Variants in EPHA6 observed in about 807,000 individuals in gnomAD.
EPHA6 encodes the protein EPH receptor A6.
In EPHA6, 50 loss-of-function variants were observed where a neutral mutation model predicts 112.0. The ratio of observed to expected loss-of-function variants is 0.45; its 90% CI spans 0.36 to 0.56. The LOEUF (loss-of-function observed/expected upper bound fraction) is 0.56. Ranked by LOEUF, EPHA6 falls within the 20% of genes least tolerant of loss-of-function variation. The pLI, the probability that EPHA6 is intolerant of heterozygous loss-of-function variation, is 0.00. For missense variants in EPHA6, 1,280 were observed against 1,417.4 expected (o/e 0.90, Z 1.56); for synonymous variants, 529 against 490.7 (o/e 1.08, Z -1.03).
chr3:97,270,110 A>C (rs1393547869), intron 5 of EPHA6, among the ~76,000 whole-genome samples: 1 of 152,196 alleles, frequency 6.6e-6, no homozygotes, highest in Non-Finnish European at 1.5e-5. Flanking sequence ...TAGGAGTATA[A>C]TTTTCAGAAA....
chr3:97,180,047 A>T (rs2076946067), intron 3 of EPHA6, among the ~76,000 whole-genome samples: 2 of 152,008 alleles, frequency 1.3e-5, no homozygotes. Context: ...AAGAGCCAAA[A>T]ACCTAAGAAG....
At chr3:97,512,343 A>G (rs549070291) in intron 10 of EPHA6, among the ~76,000 whole-genome samples, 1 of 152,352 alleles carries the variant, frequency 6.6e-6, no homozygotes, top group East Asian at 1.9e-4. Flanking sequence ...CAGTATATTA[A>G]AACTATGCAA....
chr3:97,310,858 T>C (rs2081525987), intron 5 of EPHA6, among the ~76,000 whole-genome samples: 1 of 151,728 alleles, frequency 6.6e-6, no homozygotes, highest in Non-Finnish European at 1.5e-5. Flanking sequence ...CCAAACTCTT[T>C]GAGATTCATT....
chr3:97,733,258 C>A (rs954977175), intron 15 of EPHA6, among the ~76,000 whole-genome samples: 2 of 152,042 alleles, frequency 1.3e-5, no homozygotes, highest in African/African-American at 2.4e-5. Flanking sequence ...ACAAGTCTTA[C>A]AAGAAGCTGG....
intron 8 of EPHA6, among the ~76,000 whole-genome samples, chr3:97,477,882 A>G (rs2091422613): frequency 6.6e-6 from 1 of 152,110 alleles, no homozygotes; most frequent in Admixed American, 6.6e-5. Context: ...CTTAACTACA[A>G]AGACACAAAT....
At chr3:97,252,925 CCTCT>C (rs2079185382) in intron 5 of EPHA6, among the ~76,000 whole-genome samples, 1 of 152,062 alleles carries the variant, frequency 6.6e-6, no homozygotes, top group South Asian at 2.1e-4. Flanking sequence ...TTCAAATTTA[CCTCT>C]CTGTGTTACT....
intron 3 of EPHA6, among the ~76,000 whole-genome samples, chr3:97,055,387 A>G (rs2045820069): frequency 6.6e-6 from 1 of 152,142 alleles, no homozygotes; most frequent in South Asian, 2.1e-4. Flanking sequence ...CATAGGGGGA[A>G]CTTGGGAAAT....
intron 9 of EPHA6, chr3:97,481,134 G>A: frequency 4.6e-6 from 3 of 658,368 alleles, no homozygotes; most frequent in Non-Finnish European, 8.4e-6. Context: ...TGGCTGGGAG[G>A]TGGAGGTTGT....
chr3:97,693,739 C>T (rs560093769), intron 14 of EPHA6, among the ~76,000 whole-genome samples: 3 of 152,042 alleles, frequency 2.0e-5, no homozygotes, highest in African/African-American at 7.2e-5. Flanking sequence ...ACCCGGGAGG[C>T]GGAGCTTGCA....
At chr3:97,058,545 A>G (rs751918021) in intron 3 of EPHA6, among the ~76,000 whole-genome samples, 3 of 152,050 alleles carry the variant, frequency 2.0e-5, no homozygotes, top group Non-Finnish European at 4.4e-5. Context: ...CAGGTGATCC[A>G]CCCACCTTGG....
chr3:97,665,301 C>T (rs1234862280), intron 14 of EPHA6, among the ~76,000 whole-genome samples: 4 of 152,094 alleles, frequency 2.6e-5, no homozygotes, highest in Non-Finnish European at 4.4e-5. Context: ...TTCCTTGCAC[C>T]TTATACAAAA....
chr3:97,387,097 G>A (rs2086113304), intron 5 of EPHA6, among the ~76,000 whole-genome samples: 1 of 152,190 alleles, frequency 6.6e-6, no homozygotes, highest in East Asian at 1.9e-4. Flanking sequence ...TAGGCCTCCA[G>A]GCCTGTAATG....
intron 2 of EPHA6, among the ~76,000 whole-genome samples, chr3:96,900,911 A>T (rs1025581798): frequency 1.3e-5 from 2 of 152,246 alleles, no homozygotes; most frequent in South Asian, 4.1e-4. Flanking sequence ...AAACATGGGA[A>T]CAACTGGAAT....
intron 2 of EPHA6, among the ~76,000 whole-genome samples, chr3:96,886,295 G>A (rs2037617323): frequency 1.3e-5 from 2 of 152,206 alleles, no homozygotes; most frequent in East Asian, 1.9e-4. Flanking sequence ...CACTATTATT[G>A]TGTTGCTATC....
At chr3:96,914,926 T>C (rs2039410318) in intron 2 of EPHA6, among the ~76,000 whole-genome samples, 2 of 151,724 alleles carry the variant, frequency 1.3e-5, no homozygotes, top group Admixed American at 6.6e-5. Context: ...TATTAAAATA[T>C]GGAGAAAATG....
chr3:97,126,522 G>C (rs2048186268), intron 3 of EPHA6, among the ~76,000 whole-genome samples: 1 of 152,100 alleles, frequency 6.6e-6, no homozygotes, highest in Non-Finnish European at 1.5e-5. Context: ...ATAATTACAT[G>C]AAGAAGCATA....
At chr3:97,219,373 A>ATTATAATAAATGTTAATCCAGG (rs1472892825) in intron 3 of EPHA6, among the ~76,000 whole-genome samples, 7 of 152,288 alleles carry the variant, frequency 4.6e-5, no homozygotes, top group African/African-American at 1.7e-4. Context: ...ATAATGAAAT[A>ATTATAATAAATGTTAATCCAGG]TTATAATAAA....
intron 16 of EPHA6, among the ~76,000 whole-genome samples, chr3:97,736,466 AGAGAGTGTGT>A (rs1343819240): frequency 3.1e-4 from 35 of 111,916 alleles, no homozygotes; most frequent in Admixed American, 4.7e-4. Context: ...AGAGAGAGAG[AGAGAGTGTGT>A]GTGTGTGTGT....
chr3:97,026,370 G>A (rs528323432), intron 3 of EPHA6, among the ~76,000 whole-genome samples: 82 of 152,136 alleles, frequency 5.4e-4, no homozygotes, highest in Middle Eastern at 3.4e-3. Flanking sequence ...CAATATGGCC[G>A]TTTTACCAGT....
Sources: gnomAD v4.1 joint callset for allele counts (sites outside exome capture counted in the v4.1 genomes callset) on GRCh38, gnomAD v4.1.1 for gene constraint, MANE v1.5 for transcripts, NCBI Gene and HGNC (gene_info 2026-07-23, HGNC 2026-07-21) for gene names.